GRIA4: variants seen among roughly 807,000 people sequenced by gnomAD.
GRIA4 encodes the protein glutamate ionotropic receptor AMPA type subunit 4.
GRIA4 carries 34 observed loss-of-function variants against 104.0 expected under a neutral mutation model. The observed-to-expected ratio is 0.33, with a 90% CI of 0.25 to 0.44. The LOEUF (loss-of-function observed/expected upper bound fraction) is 0.44, where lower values mean the gene tolerates loss of function less well. GRIA4 is among the 20% of genes least tolerant of loss of function. The pLI is 1.00. For missense variants in GRIA4, 750 were observed against 1,096.5 expected (o/e 0.68, Z 4.46); for synonymous variants, 386 against 381.9 (o/e 1.01, Z -0.13).
At chr11:105,919,294 T>C (rs1565342179) in intron 11 of GRIA4, among the ~76,000 whole-genome samples, 1 of 152,150 alleles carries the variant, frequency 6.6e-6, no homozygotes. Context: ...TTCAACAATA[T>C]AAAGATGGTC....
At chr11:105,761,994 A>G (rs1024391493) in intron 4 of GRIA4, among the ~76,000 whole-genome samples, 2 of 151,964 alleles carry the variant, frequency 1.3e-5, no homozygotes, top group African/African-American at 2.4e-5. Context: ...GAGCACATAC[A>G]CAACCCCCGA....
At chr11:105,857,716 C>A (rs1357795007) in intron 4 of GRIA4, among the ~76,000 whole-genome samples, 1 of 152,098 alleles carries the variant, frequency 6.6e-6, no homozygotes, top group East Asian at 1.9e-4. Context: ...CTAAGTGCAC[C>A]AATGACCTTC....
chr11:105,730,270 C>G (rs991735552), intron 3 of GRIA4, among the ~76,000 whole-genome samples: 18 of 152,232 alleles, frequency 1.2e-4, no homozygotes, highest in African/African-American at 4.1e-4. Flanking sequence ...GAGCTAACTC[C>G]CATTCACAAT....
chr11:105,910,530 T>C lies in GRIA4; in HGVS notation c.1254T>C (p.Val418=), dbSNP rs367726284. 7.2e-6 allele frequency: 11 copies of C among 1,537,364 alleles called. No homozygotes were observed. The African/African-American group carries it at 1.4e-4, about 19-fold the overall frequency. ...CTGCTATTGAGAACAGAACAGTGGT[T>C]GTAACCACAATTATGGTAAGTGTTG... ...DTAAIENRTV[V]VTTIMESPYV... Residue 418 remains valine, a synonymous_variant, in exon 10 of 17, where the codon GTT becomes GTC. Transcript: ENST00000282499.
chr11:105,815,099 T>A (rs1428235653), intron 4 of GRIA4, among the ~76,000 whole-genome samples: 2 of 152,166 alleles, frequency 1.3e-5, no homozygotes, highest in African/African-American at 4.8e-5. Context: ...CCCTTTTTGC[T>A]TATTGAGAGA....
chr11:105,655,832 CTTTGAGTATATA>C (rs1202565382), intron 3 of GRIA4, among the ~76,000 whole-genome samples: 1 of 152,062 alleles, frequency 6.6e-6, no homozygotes, highest in Non-Finnish European at 1.5e-5. Context: ...ATTTATAATC[CTTTGAGTATATA>C]CTCAGTAATG....
intron 3 of GRIA4, among the ~76,000 whole-genome samples, chr11:105,667,590 T>C (rs562990232): frequency 1.1e-4 from 17 of 152,182 alleles, no homozygotes; most frequent in Admixed American, 1.1e-3. Context: ...AGAGGATTCA[T>C]AAACAACCTG....
chr11:105,880,806 T>C (rs1169571841), intron 5 of GRIA4, among the ~76,000 whole-genome samples: 1 of 152,200 alleles, frequency 6.6e-6, no homozygotes, highest in Non-Finnish European at 1.5e-5. Context: ...TATGGTATCT[T>C]ATGCAACCTG....
At chr11:105,914,767 A>G (rs992091501) in intron 10 of GRIA4, among the ~76,000 whole-genome samples, 21 of 152,226 alleles carry the variant, frequency 1.4e-4, no homozygotes, top group African/African-American at 5.1e-4. Flanking sequence ...GGCAGGTTGT[A>G]TACATAAGAC....
At chr11:105,674,508 C>T (rs1266673889) in intron 3 of GRIA4, among the ~76,000 whole-genome samples, 1 of 151,422 alleles carries the variant, frequency 6.6e-6, no homozygotes, top group Non-Finnish European at 1.5e-5. Flanking sequence ...AACACTGTGG[C>T]CAAATATAGG....
intron 11 of GRIA4, among the ~76,000 whole-genome samples, chr11:105,921,107 G>A (rs1246641056): frequency 6.6e-6 from 1 of 152,066 alleles, no homozygotes; most frequent in Non-Finnish European, 1.5e-5. Flanking sequence ...TGCAAACTTT[G>A]TTGCTATAAT....
At chr11:105,779,933 T>C (rs1054353808) in intron 4 of GRIA4, among the ~76,000 whole-genome samples, 1 of 152,170 alleles carries the variant, frequency 6.6e-6, no homozygotes, top group African/African-American at 2.4e-5. Flanking sequence ...GTCAAAGCTA[T>C]GGAATCTTTC....
intron 3 of GRIA4, among the ~76,000 whole-genome samples, chr11:105,645,423 T>TA (rs1232267073): frequency 6.6e-6 from 1 of 152,118 alleles, no homozygotes; most frequent in East Asian, 1.9e-4. Context: ...AGCAGCTGAA[T>TA]AACCAAATAA....
chr11:105,905,386 C>T (rs1311262933), intron 9 of GRIA4, 85 bp downstream of exon 9: 49 of 720,888 alleles, frequency 6.8e-5, no homozygotes. Context: ...AGAAAGATGG[C>T]TGAACATTTC....
intron 5 of GRIA4, among the ~76,000 whole-genome samples, chr11:105,865,470 T>C (rs1263752893): frequency 6.6e-6 from 1 of 152,204 alleles, no homozygotes; most frequent in East Asian, 1.9e-4. Flanking sequence ...CTTAAATTGC[T>C]ATGAGTTTGA....
intron 4 of GRIA4, among the ~76,000 whole-genome samples, chr11:105,764,379 T>C (rs1488768301): frequency 6.6e-6 from 1 of 152,200 alleles, no homozygotes. Context: ...TTAAACATGA[T>C]GAATTATGTT....
intron 4 of GRIA4, among the ~76,000 whole-genome samples, chr11:105,832,451 G>A (rs990229044): frequency 2.6e-5 from 4 of 151,630 alleles, no homozygotes; most frequent in African/African-American, 4.8e-5. Flanking sequence ...CTTGTGTAGT[G>A]CTTTACAGTT....
intron 16 of GRIA4, among the ~76,000 whole-genome samples, 193 bp from the exon 17 acceptor site, chr11:105,979,382 G>A (rs978411094): frequency 6.6e-6 from 1 of 152,196 alleles, no homozygotes; most frequent in African/African-American, 2.4e-5. Flanking sequence ...ACAAACTCTA[G>A]ACAGATTCAT....
rs972628782 is a variant in GRIA4, at chr11:105,734,339, T to C, written c.248-18642T>C. On this transcript the variant is annotated intron_variant, in intron 3 of 16. Transcript: ENST00000282499. ...ATTCATCAACAAAGCCTATTAATTC[T>C]ACTCACTAAATATGCCTTGAGTCCA... Among the ~76,000 whole-genome samples the C allele has an allele frequency of 3.6e-4, 55 of 152,108 alleles. 1 individual carries two copies. The highest frequency in any genetic ancestry group is 6.8e-4 in the Non-Finnish European group (46 of 68,020).
Sources: gnomAD v4.1 joint callset for allele counts (sites outside exome capture counted in the v4.1 genomes callset) on GRCh38, gnomAD v4.1.1 for gene constraint, MANE v1.5 for transcripts, NCBI Gene and HGNC (gene_info 2026-07-23, HGNC 2026-07-21) for gene names.